TCF25: variants seen among roughly 807,000 people sequenced by gnomAD.
TCF25 encodes the protein TCF25 ribosome quality control complex subunit.
Under a neutral mutation model 83.1 loss-of-function variants are expected in TCF25, and 41 were observed. That is an observed-to-expected ratio of 0.49 (90% CI 0.38 to 0.64). TCF25 has a LOEUF of 0.64. TCF25 is among the 30% of genes least tolerant of loss of function. The probability of loss-of-function intolerance (pLI) is 0.00; values close to 1 mark genes in which losing one functional copy is unlikely to be tolerated. For synonymous variants in TCF25, 458 were observed against 365.0 expected (o/e 1.25, Z -2.90); for missense variants, 979 against 914.5 (o/e 1.07, Z -0.91).
intron 1 of TCF25, among the ~76,000 whole-genome samples, chr16:89,880,248 A>C (rs1463693269): frequency 2.0e-5 from 3 of 152,246 alleles, no homozygotes; most frequent in African/African-American, 7.2e-5. Flanking sequence ...CCTCAAAATA[A>C]GAATTTTTTT....
In TCF25 at chr16:89,873,809, C is replaced by A. The variant is rs746696128; in HGVS notation, c.142C>A (p.Pro48Thr). The A allele has an allele frequency of 6.3e-7, 1 of 1,597,266 alleles. No homozygotes were observed. Among genetic ancestry groups the A allele is most frequent in the Admixed American group, 1.8e-5 (1 of 57,074 alleles). The change falls in exon 1 of 18, where the codon CCC becomes ACC. Residue 48 changes from proline to threonine, a missense_variant. Pro to Thr is a conservative substitution (Grantham distance 38, BLOSUM62 -1). Transcript: ENST00000263346. ...CAAGCGGGAGCTTGGTGTCCGGCGTCCCGGGGGCGCAGGGAAGGAGGGCGT... is the reference window on the plus strand; with the variant it reads ...CAAGCGGGAGCTTGGTGTCCGGCGTACCGGGGGCGCAGGGAAGGAGGGCGT... ...GPKRELGVRR[P>T]GGAGKEGVRV...
chr16:89,904,569 C>A (rs2044615951), intron 13 of TCF25: 1 of 487,544 alleles, frequency 2.1e-6, no homozygotes, highest in African/African-American at 1.9e-5. Flanking sequence ...GATGGTGAGA[C>A]CCCGTCTCAA....
At position 89,904,207 on chromosome 16, in the gene TCF25, TAA is replaced by T. The variant is rs760427837; in HGVS notation, c.1469+4_1469+5del. On this transcript the variant is annotated splice_donor_region_variant and intron_variant, in intron 13 of 17. Coordinates refer to ENST00000263346, the MANE Select transcript of TCF25 (RefSeq NM_014972.3). ...CTTTGGACCCAATGCTGAAATAAGG[TAA>T]AGAGTGGCTGGTGGTGCCCATCTGT... is the stretch of plus-strand genomic sequence containing the variant. The T allele has an allele frequency of 4.0e-5, 62 of 1,564,494 alleles. No individual in the cohort carries two copies. The East Asian group carries it at 6.0e-4, about 15-fold the overall frequency.
chr16:89,904,376 CTG>C (rs2044600201), intron 13 of TCF25, 171 bp downstream of exon 13: 1 of 720,346 alleles, frequency 1.4e-6, no homozygotes, highest in Non-Finnish European at 2.3e-6. Flanking sequence ...GAGCCCTCAT[CTG>C]TGTGGAAAAG....
intron 1 of TCF25, among the ~76,000 whole-genome samples, chr16:89,879,401 C>T (rs1346737234): frequency 4.8e-5 from 7 of 145,684 alleles, no homozygotes; most frequent in Non-Finnish European, 6.0e-5. Flanking sequence ...GCCTGTCACA[C>T]GTGTTGTCCG....
chr16:89,881,818 A>G (rs1597275648), intron 1 of TCF25, among the ~76,000 whole-genome samples: 2 of 152,102 alleles, frequency 1.3e-5, no homozygotes, highest in East Asian at 1.9e-4. Flanking sequence ...GCAGTGGCAT[A>G]ATCTTGGCTC....
chr16:89,894,172 C>G (rs976938059), intron 7 of TCF25, among the ~76,000 whole-genome samples: 1 of 152,194 alleles, frequency 6.6e-6, no homozygotes, highest in African/African-American at 2.4e-5. Context: ...GCTGCCCTTG[C>G]CTCCTGCGGC....
chr16:89,899,651 C>T (rs1371124438), intron 11 of TCF25, among the ~76,000 whole-genome samples: 8 of 151,940 alleles, frequency 5.3e-5, no homozygotes, highest in Admixed American at 5.2e-4. Context: ...TCGCTTGAAC[C>T]TGGGAGGTGG....
intron 1 of TCF25, chr16:89,878,632 G>A: frequency 3.6e-6 from 4 of 1,110,276 alleles, no homozygotes; most frequent in Non-Finnish European, 4.4e-6. Flanking sequence ...TTTTGGGTAG[G>A]TAATAAGGTG....
chr16:89,905,132 C>T (rs748207098), intron 14 of TCF25, 36 bp downstream of exon 14: 3 of 1,528,602 alleles, frequency 2.0e-6, no homozygotes, highest in East Asian at 2.3e-5. Flanking sequence ...TGCCACGCCC[C>T]CTCCTCAGGG....
At chr16:89,910,327 C>T (rs908894157) in intron 16 of TCF25, 20 of 544,066 alleles carry the variant, frequency 3.7e-5, no homozygotes, top group Admixed American at 2.0e-4. Flanking sequence ...GTGGGAGCCT[C>T]GCTCCGGACG....
intron 3 of TCF25, among the ~76,000 whole-genome samples, chr16:89,885,187 T>C (rs564107792): frequency 3.3e-5 from 5 of 152,350 alleles, no homozygotes; most frequent in African/African-American, 9.6e-5. Context: ...TTAGTATTTT[T>C]ATTCCTTCCT....
intron 1 of TCF25, 104 bp from the exon 2 acceptor site, chr16:89,883,247 G>A: frequency 4.0e-6 from 6 of 1,488,706 alleles, no homozygotes; most frequent in East Asian, 2.3e-5. Flanking sequence ...CACTGACCCT[G>A]GGGGTCCCCA....
intron 13 of TCF25, chr16:89,904,582 A>C (rs2144253002): frequency 2.1e-6 from 1 of 483,350 alleles, no homozygotes; most frequent in East Asian, 4.0e-5. Flanking sequence ...CGTCTCAAAA[A>C]ACAAAATAAA....
intron 9 of TCF25, among the ~76,000 whole-genome samples, chr16:89,896,453 A>T (rs574398056): frequency 1.0e-3 from 155 of 151,968 alleles, no homozygotes; most frequent in African/African-American, 3.4e-3. Flanking sequence ...CACGCCTGTA[A>T]TCCCAGCACT....
At chr16:89,892,413 T>G in intron 6 of TCF25, 138 bp downstream of exon 6, 2 of 938,776 alleles carry the variant, frequency 2.1e-6, no homozygotes, top group Non-Finnish European at 3.1e-6. Flanking sequence ...TTCTGTGCAC[T>G]GGCCTGCGCT....
At chr16:89,903,980 C>T (rs930804134) in intron 12 of TCF25, 138 bp from the exon 13 acceptor site, 25 of 826,644 alleles carry the variant, frequency 3.0e-5, no homozygotes, top group Middle Eastern at 3.5e-4. Context: ...GGAAGCAAGC[C>T]GCTGGCCCTG....
At chr16:89,906,723 G>A (rs902180577) in intron 15 of TCF25, among the ~76,000 whole-genome samples, 1 of 152,154 alleles carries the variant, frequency 6.6e-6, no homozygotes, top group African/African-American at 2.4e-5. Flanking sequence ...GAGGGTCGCA[G>A]GACCGTGGAC....
At chr16:89,875,448 C>T (rs2042106448) in intron 1 of TCF25, among the ~76,000 whole-genome samples, 1 of 151,648 alleles carries the variant, frequency 6.6e-6, no homozygotes, top group South Asian at 2.1e-4. Context: ...ATACTGGAGC[C>T]ACTTTTCTCA....
Sources: gnomAD v4.1 joint callset for allele counts (sites outside exome capture counted in the v4.1 genomes callset) on GRCh38, gnomAD v4.1.1 for gene constraint, MANE v1.5 for transcripts, NCBI Gene and HGNC (gene_info 2026-07-23, HGNC 2026-07-21) for gene names.